ARL15: variants seen among roughly 807,000 people sequenced by gnomAD.
The protein encoded by ARL15 is ARF like GTPase 15.
In ARL15, 19 loss-of-function variants were observed where a neutral mutation model predicts 25.2. The ratio of observed to expected loss-of-function variants is 0.75; its 90% CI spans 0.53 to 1.10. The LOEUF is 1.10. Among genes scored for constraint, ARL15 ranks in the 50% least tolerant of loss-of-function variants. ARL15 has a pLI of 0.00. For synonymous variants in ARL15, 94 were observed against 86.8 expected (o/e 1.08, Z -0.46); for missense variants, 220 against 246.0 (o/e 0.89, Z 0.71).
chr5:54,018,237 G>A lies in ARL15; in HGVS notation c.462+94965C>T, dbSNP rs1053719495. Among the ~76,000 whole-genome samples, 5 of 152,202 alleles carry A rather than the reference G, an allele frequency of 3.3e-5. No individual in the cohort carries two copies. The South Asian group carries it at 8.3e-4, about 25-fold the overall frequency. ...TTTTTCTGTGAATTTCACTTTAAAG[G>A]TTTAGTGGATTGATTTATAATTTGT... On this transcript the variant is annotated intron_variant, in intron 4 of 4. Coordinates refer to ENST00000504924, the MANE Select transcript of ARL15 (RefSeq NM_019087.3).
At chr5:54,274,810 C>T (rs1757883630) in intron 1 of ARL15, among the ~76,000 whole-genome samples, 2 of 152,118 alleles carry the variant, frequency 1.3e-5, no homozygotes, top group African/African-American at 4.8e-5. Flanking sequence ...AAGAGAACTG[C>T]TTGAACCCGG....
intron 4 of ARL15, among the ~76,000 whole-genome samples, chr5:54,001,362 A>G (rs1189330943): frequency 2.0e-5 from 3 of 152,172 alleles, no homozygotes; most frequent in Non-Finnish European, 4.4e-5. Context: ...AAGGTACTTG[A>G]TAAATATTTG....
chr5:54,076,997 T>C (rs1198244113), intron 4 of ARL15, among the ~76,000 whole-genome samples: 1 of 152,216 alleles, frequency 6.6e-6, no homozygotes, highest in African/African-American at 2.4e-5. Context: ...TATGAGAACA[T>C]CTTCTATGCT....
At chr5:54,261,414 C>T (rs1399103049) in intron 1 of ARL15, among the ~76,000 whole-genome samples, 1 of 152,150 alleles carries the variant, frequency 6.6e-6, no homozygotes, top group Admixed American at 6.5e-5. Flanking sequence ...CTAAAATAAT[C>T]GGTAGATTCC....
intron 4 of ARL15, among the ~76,000 whole-genome samples, chr5:54,033,771 T>A (rs1016395221): frequency 6.6e-6 from 1 of 152,210 alleles, no homozygotes; most frequent in African/African-American, 2.4e-5. Flanking sequence ...GAAATGGCAC[T>A]TTAAATTAGA....
In ARL15 at chr5:54,064,359, TA is replaced by T. The variant is rs558661394; in HGVS notation, c.462+48842del. On this transcript the variant is annotated intron_variant, in intron 4 of 4. Transcript: ENST00000504924. ...CTCCCCCTGTAAGTTCCCCCAGCCT[TA>T]AACAAAAAAGCCCACCAGTGCTTTC... Among the ~76,000 whole-genome samples, 687 of 152,188 alleles carry T rather than the reference TA, an allele frequency of 4.5e-3. 6 individuals carry two copies. Among genetic ancestry groups the T allele is most frequent in the Non-Finnish European group, 5.3e-3 (361 of 68,002 alleles).
intron 4 of ARL15, among the ~76,000 whole-genome samples, chr5:53,939,932 AC>A (rs1204334383): frequency 6.6e-6 from 1 of 152,000 alleles, no homozygotes; most frequent in Non-Finnish European, 1.5e-5. Context: ...AACAACAACA[AC>A]AACAACAAAC....
rs558667191 is a variant in ARL15, at chr5:54,204,552, C to T, written c.49-32624G>A. 2.0e-5 allele frequency among the ~76,000 whole-genome samples: 3 copies of T among 152,300 alleles called. No homozygotes were observed. In the South Asian group the frequency reaches 6.2e-4, roughly 32 times the overall value. ...CAATTACATTAACTCCAGACTGTGG[C>T]CTTCTTAAAATCCAGACAAATTACC... On this transcript the variant is annotated intron_variant, in intron 1 of 4. Coordinates refer to ENST00000504924, the MANE Select transcript of ARL15 (RefSeq NM_019087.3).
At chr5:53,890,252 GT>G (rs1412564207) in intron 4 of ARL15, among the ~76,000 whole-genome samples, 7 of 151,986 alleles carry the variant, frequency 4.6e-5, no homozygotes, top group African/African-American at 1.7e-4. Context: ...TTGATGTACA[GT>G]TTTAAAGAAT....
At chr5:54,246,030 C>A (rs1333887894) in intron 1 of ARL15, among the ~76,000 whole-genome samples, 1 of 152,116 alleles carries the variant, frequency 6.6e-6, no homozygotes, top group Non-Finnish European at 1.5e-5. Context: ...TGTATATCCA[C>A]CCAGGGGAAG....
intron 4 of ARL15, among the ~76,000 whole-genome samples, chr5:54,062,469 C>T (rs156840): frequency 0.36 from 53,661 of 149,660 alleles, 11,543 homozygotes; most frequent in Admixed American, 0.49. Context: ...GTCTTTCCTG[C>T]GCTGTTCTTG....
intron 4 of ARL15, among the ~76,000 whole-genome samples, chr5:54,065,361 G>C (rs1434045405): frequency 6.6e-6 from 1 of 152,138 alleles, no homozygotes. Context: ...TTAAAATGTG[G>C]CTGGTCCAAA....
chr5:54,198,557 G>C (rs1273901863), intron 1 of ARL15, among the ~76,000 whole-genome samples: 2 of 146,614 alleles, frequency 1.4e-5, no homozygotes, highest in African/African-American at 5.2e-5. Flanking sequence ...TTGCTTCAAA[G>C]AGAATAAAAT....
chr5:54,158,990 G>A (rs1472997487), intron 2 of ARL15, among the ~76,000 whole-genome samples: 1 of 152,116 alleles, frequency 6.6e-6, no homozygotes, highest in Non-Finnish European at 1.5e-5. Flanking sequence ...ACAGCATTTT[G>A]TCCAATTTTG....
chr5:54,095,084 T>C (rs1372958967), intron 4 of ARL15, among the ~76,000 whole-genome samples: 2 of 152,158 alleles, frequency 1.3e-5, no homozygotes, highest in Non-Finnish European at 2.9e-5. Flanking sequence ...GCAGTGGGCT[T>C]GCATAGGACA....
At chr5:54,223,393 T>TTATTTTCAATAATTTAA (rs1756433263) in intron 1 of ARL15, among the ~76,000 whole-genome samples, 3 of 152,198 alleles carry the variant, frequency 2.0e-5, no homozygotes, top group Non-Finnish European at 2.9e-5. Context: ...TAATGGTAGC[T>TTATTTTCAATAATTTAA]TTCTTGTGGC....
intron 4 of ARL15, among the ~76,000 whole-genome samples, chr5:54,098,740 A>G (rs1256093299): frequency 6.6e-6 from 1 of 152,158 alleles, no homozygotes; most frequent in African/African-American, 2.4e-5. Context: ...AATTTGTTTT[A>G]ATCAGGTCCT....
At chr5:54,181,810 G>A (rs1037001987) in intron 1 of ARL15, among the ~76,000 whole-genome samples, 57 of 151,782 alleles carry the variant, frequency 3.8e-4, no homozygotes, top group African/African-American at 1.3e-3. Context: ...TCCAGCACCT[G>A]TTGTTTCCTG....
At chr5:54,092,289 T>C (rs1271099416) in intron 4 of ARL15, among the ~76,000 whole-genome samples, 2 of 152,124 alleles carry the variant, frequency 1.3e-5, no homozygotes, top group South Asian at 2.1e-4. Flanking sequence ...ATGAAAGATG[T>C]TTTATTCTAA....
Sources: allele counts gnomAD v4.1 joint callset (sites outside exome capture counted in the v4.1 genomes callset), GRCh38; gene constraint gnomAD v4.1.1; transcripts MANE v1.5; gene names NCBI Gene and HGNC (gene_info 2026-07-23, HGNC 2026-07-21).